MRC1: variants seen among roughly 807,000 people sequenced by gnomAD.
The protein encoded by MRC1 is mannose receptor C-type 1.
A neutral mutation model predicts 102.9 loss-of-function variants in MRC1; 62 were observed. The ratio of observed to expected loss-of-function variants is 0.60; its 90% CI spans 0.49 to 0.74. The LOEUF (loss-of-function observed/expected upper bound fraction) is 0.74. Ranked by LOEUF, MRC1 falls within the 30% of genes least tolerant of loss-of-function variation. The pLI, the probability that MRC1 is intolerant of heterozygous loss-of-function variation, is 0.00. For missense variants in MRC1, 1,237 were observed against 862.8 expected, an observed-to-expected ratio of 1.43 and a Z score of -5.43; for synonymous variants, 457 against 298.4, an observed-to-expected ratio of 1.53 and a Z score of -5.48.
chr10:17,848,089 A>G (rs1216942256), intron 6 of MRC1, among the ~76,000 whole-genome samples: 1 of 152,150 alleles, frequency 6.6e-6, no homozygotes, highest in African/African-American at 2.4e-5. Context: ...GGCTTAAACA[A>G]TGATGTTTCA....
intron 23 of MRC1, among the ~76,000 whole-genome samples, chr10:17,895,440 G>C (rs1320588301): frequency 1.3e-5 from 2 of 151,506 alleles, no homozygotes; most frequent in Non-Finnish European, 2.9e-5. Flanking sequence ...TGGGATATTT[G>C]CTTACCTGTA....
At chr10:17,828,946 T>C (rs1838525977) in intron 3 of MRC1, among the ~76,000 whole-genome samples, 1 of 151,400 alleles carries the variant, frequency 6.6e-6, no homozygotes, top group Non-Finnish European at 1.5e-5. Flanking sequence ...AGTATTCCTC[T>C]TAGCTTCACG....
At chr10:17,891,230 G>T (rs1038917152) in intron 22 of MRC1, among the ~76,000 whole-genome samples, 2,704 of 151,210 alleles carry the variant, frequency 0.018, 71 homozygotes, top group African/African-American at 0.062. Context: ...GCAGTGGCGC[G>T]ATCTCGGCTC....
rs1833717904 is a variant in MRC1 at position 17,894,065 on chromosome 10, T to A, written c.3148-145T>A. 2.2e-5 allele frequency: 15 copies of A among 678,214 alleles called. No individual in the cohort carries two copies. In the South Asian group the frequency reaches 2.6e-4, roughly 12 times the overall value. 42.0% of individuals were successfully genotyped at this position (678,214 alleles called of 1,614,324 possible). ...GTAGGTAGAGTTGGGTAGAAAGTAA[T>A]GATGGATTGAGCATATCTTAAGTTA... On this transcript the variant is annotated intron_variant, in intron 22 of 29. Coordinates refer to ENST00000569591, the MANE Select transcript of MRC1 (RefSeq NM_002438.4).
rs2130677879 is a variant in MRC1 at position 17,872,103 on chromosome 10, A to G, written c.2321A>G (p.Asn774Ser). ...GATATTAATTGTGAACACCTTAACA[A>G]CTGGATTTGCCAGATACAAAAAGGT... ...WNDINCEHLN[N>S]WICQIQKGQT... is the part of the protein sequence containing the mutation. Residue 774 changes from asparagine to serine, a missense_variant, in exon 15 of 30, where the codon AAC becomes AGC. Asn to Ser is a conservative substitution (Grantham distance 46). Transcript: ENST00000569591. The G allele has an allele frequency of 1.3e-6, 1 of 780,666 alleles. No homozygotes were observed. The allele number at this position is 780,666 out of a possible 1,614,324, so 48.4% of individuals were successfully genotyped here. A position where few individuals can be genotyped will look rare whatever the true frequency, so the allele number is the denominator to read the frequency against.
At chr10:17,811,117 T>C (rs912491458) in intron 1 of MRC1, among the ~76,000 whole-genome samples, 13,075 of 152,298 alleles carry the variant, frequency 0.086, 741 homozygotes, top group Middle Eastern at 0.16. Flanking sequence ...GTATTTTATT[T>C]CACCCAGTAA....
At chr10:17,852,368 G>A (rs1215203328) in intron 7 of MRC1, among the ~76,000 whole-genome samples, 3 of 152,130 alleles carry the variant, frequency 2.0e-5, no homozygotes, top group African/African-American at 7.2e-5. Context: ...GGTACCAAAT[G>A]TCAGGTGCAA....
At chr10:17,892,664 T>C (rs1554843225) in intron 22 of MRC1, among the ~76,000 whole-genome samples, 1 of 152,216 alleles carries the variant, frequency 6.6e-6, no homozygotes, top group Non-Finnish European at 1.5e-5. Context: ...AAATTTACTT[T>C]AAAAGAAAAC....
intron 22 of MRC1, among the ~76,000 whole-genome samples, chr10:17,889,871 A>G (rs1833649633): frequency 6.6e-6 from 1 of 152,206 alleles, no homozygotes; most frequent in African/African-American, 2.4e-5. Flanking sequence ...AATTCAGAAT[A>G]AGGAAAATGA....
intron 21 of MRC1, among the ~76,000 whole-genome samples, chr10:17,882,503 T>G (rs1169481254): frequency 6.6e-6 from 1 of 152,188 alleles, no homozygotes; most frequent in African/African-American, 2.4e-5. Context: ...ATGTAAGCTC[T>G]CTTTTGGTTC....
intron 17 of MRC1, among the ~76,000 whole-genome samples, chr10:17,876,075 G>C (rs969845843): frequency 2.0e-5 from 3 of 152,032 alleles, no homozygotes; most frequent in African/African-American, 4.8e-5. Flanking sequence ...AGTGACATGT[G>C]ATAAACAAAG....
At position 17,845,106 on chromosome 10, in the gene MRC1, A is replaced by G. The variant is rs782543947; in HGVS notation, c.917-183A>G. The G allele has an allele frequency of 3.3e-5, 26 of 777,720 alleles. No homozygotes were observed. In the Admixed American group the frequency reaches 3.9e-4, roughly 12 times the overall value. 48.2% of individuals were successfully genotyped at this position (777,720 alleles called of 1,614,324 possible). ...ATTGGAATGATCCAACGATAAGAAA[A>G]CAATAGACACCCATCGTGTCTTTTG... On this transcript the variant is annotated intron_variant, in intron 5 of 29. Transcript: ENST00000569591.
chr10:17,849,678 T>G lies in MRC1; in HGVS notation c.1163T>G (p.Leu388Arg). ...RDEKKIQRDA[L>R]TTCRKEGGDL... ...GAGAAAAAAATCCAGAGGGATGCTC[T>G]GACCACCTGCAGGAAGGAAGGCGGT... The change falls in exon 7 of 30, where the codon CTG becomes CGG. Residue 388 changes from leucine to arginine, a missense_variant. Transcript: ENST00000569591. 1.3e-6 allele frequency: 1 copy of G among 781,048 alleles called. No individual in the cohort carries two copies. The highest frequency in any genetic ancestry group is 1.3e-5 in the South Asian group (1 of 74,630). 48.4% of individuals were successfully genotyped at this position (781,048 alleles called of 1,614,324 possible). A position where few individuals can be genotyped will look rare whatever the true frequency, so the allele number is the denominator to read the frequency against.
chr10:17,843,439 G>A (rs1285475963), intron 5 of MRC1, among the ~76,000 whole-genome samples: 2 of 152,098 alleles, frequency 1.3e-5, no homozygotes, highest in East Asian at 1.9e-4. Flanking sequence ...AGGCTGAGGC[G>A]GGTGGATCCC....
At chr10:17,886,528 A>T (rs1013265790) in intron 22 of MRC1, among the ~76,000 whole-genome samples, 2 of 152,106 alleles carry the variant, frequency 1.3e-5, no homozygotes, top group African/African-American at 4.8e-5. Flanking sequence ...CAGCCTCCCA[A>T]GTAGCTGGGA....
chr10:17,862,192 C>A (rs1173264149), intron 10 of MRC1, among the ~76,000 whole-genome samples: 2 of 151,648 alleles, frequency 1.3e-5, no homozygotes, highest in African/African-American at 2.4e-5. Context: ...CGAGGCAGAC[C>A]GAATAAAATG....
At chr10:17,901,314 G>T (rs1261239853) in intron 25 of MRC1, among the ~76,000 whole-genome samples, 1 of 152,156 alleles carries the variant, frequency 6.6e-6, no homozygotes, top group Non-Finnish European at 1.5e-5. Flanking sequence ...AGGGTTGTAG[G>T]AATTAGGATC....
Position 17,845,284 on chromosome 10 carries a change from C to A in MRC1, c.917-5C>A. ...GTCCACTTTAACTTTTCCTTTTCCTCGAAGGAAGTCCATCAGCTGAACCTG... is the reference window on the plus strand; with the variant it reads ...GTCCACTTTAACTTTTCCTTTTCCTAGAAGGAAGTCCATCAGCTGAACCTG... On this transcript the variant is annotated splice_region_variant and splice_polypyrimidine_tract_variant and intron_variant, in intron 5 of 29. Transcript: ENST00000569591. 1 of 780,736 alleles carries A rather than the reference C, an allele frequency of 1.3e-6. No individual in the cohort carries two copies. Among genetic ancestry groups the A allele is most frequent in the Non-Finnish European group, 2.4e-6 (1 of 417,942 alleles). 48.4% of individuals were successfully genotyped at this position (780,736 alleles called of 1,614,324 possible). A position where few individuals can be genotyped will look rare whatever the true frequency, so the allele number is the denominator to read the frequency against.
At chr10:17,878,046 T>A (rs1470243833) in intron 18 of MRC1, 79 bp downstream of exon 18, 20 of 814,482 alleles carry the variant, frequency 2.5e-5, no homozygotes, top group African/African-American at 2.0e-4. Flanking sequence ...GAGATTTTTC[T>A]TTGTGGAATG....
Sources: allele counts gnomAD v4.1 joint callset (sites outside exome capture counted in the v4.1 genomes callset), GRCh38; gene constraint gnomAD v4.1.1; transcripts MANE v1.5; gene names NCBI Gene and HGNC (gene_info 2026-07-23, HGNC 2026-07-21).